Variants in DMC1 observed in about 807,000 individuals in gnomAD.
The protein encoded by DMC1 is DNA meiotic recombinase 1.
DMC1 carries 27 observed loss-of-function variants against 50.1 expected under a neutral mutation model. That is an observed-to-expected ratio of 0.54 (90% confidence interval 0.40 to 0.74). The LOEUF (loss-of-function observed/expected upper bound fraction) is 0.74. DMC1 is among the 30% of genes least tolerant of loss of function. The probability of loss-of-function intolerance (pLI) is 0.00; values close to 1 mark genes in which losing one functional copy is unlikely to be tolerated. For synonymous variants in DMC1, 148 were observed against 136.1 expected (o/e 1.09, Z -0.61); for missense variants, 295 against 420.2 (o/e 0.70, Z 2.60).
At position 38,549,928 on chromosome 22, in the gene DMC1, G is replaced by T; in HGVS notation, c.491C>A (p.Thr164Asn). The T allele has an allele frequency of 6.2e-7, 1 of 1,610,392 alleles. No individual in the cohort carries two copies. The highest frequency in any genetic ancestry group is 8.5e-7 in the Non-Finnish European group (1 of 1,176,950). ...CAACTTTAAATAAAAAGGTTACAAA[G>T]TATTTTCTGTATCAATGAAGATAAT... is the stretch of plus-strand genomic sequence containing the variant. ...GKIIFIDTEN[T>N]FRPDRLRDIA... The change falls in exon 8 of 14, where the codon ACT (threonine) becomes AAT (asparagine). Residue 164 changes from threonine to asparagine, a missense_variant. By Grantham distance (65) the Thr-to-Asn change is moderately conservative. Transcript: ENST00000216024.
In DMC1 at chr22:38,535,102, A is replaced by C. The variant is rs574999357; in HGVS notation, c.836+2490T>G. 3.3e-5 allele frequency among the ~76,000 whole-genome samples: 5 copies of C among 152,032 alleles called. No homozygotes were observed. In the South Asian group the frequency reaches 1.0e-3, roughly 32 times the overall value. On this transcript the variant is annotated intron_variant, in intron 12 of 13. Transcript: ENST00000216024. ...ATCGTGAGGTCAAGAGATAGAAACCATCCTGGCTAACACGGTGAAACCCCG... is the reference window on the plus strand; with the variant it reads ...ATCGTGAGGTCAAGAGATAGAAACCCTCCTGGCTAACACGGTGAAACCCCG...
chr22:38,525,389 C>T (rs1380745427), intron 12 of DMC1, among the ~76,000 whole-genome samples: 6 of 152,128 alleles, frequency 3.9e-5, no homozygotes, highest in African/African-American at 1.4e-4. Context: ...CCATGCCTCC[C>T]ATGCCATTAT....
chr22:38,513,083 CAAA>C, the DMC1 span, among the ~76,000 whole-genome samples: 9 of 114,266 alleles, frequency 7.9e-5, no homozygotes, highest in African/African-American at 2.2e-4. Flanking sequence ...GAGTCTGTCT[CAAA>C]AAAAAAAAAA....
intron 4 of DMC1, among the ~76,000 whole-genome samples, chr22:38,565,051 G>A (rs2090567714): frequency 6.6e-6 from 1 of 152,218 alleles, no homozygotes; most frequent in African/African-American, 2.4e-5. Context: ...CATACCAATA[G>A]AGAAATGGAG....
chr22:38,537,680 T>A, intron 11 of DMC1, 28 bp from the exon 12 acceptor site: 3 of 1,569,026 alleles, frequency 1.9e-6, no homozygotes. Flanking sequence ...ATTTTAAAAC[T>A]ATGAGAAAGG....
the DMC1 span, among the ~76,000 whole-genome samples, chr22:38,512,126 C>T: frequency 6.6e-6 from 1 of 152,204 alleles, no homozygotes; most frequent in South Asian, 2.1e-4. Context: ...AGGCGCATGC[C>T]ACCACACCCG....
At chr22:38,535,328 CA>C (rs1293616985) in intron 12 of DMC1, among the ~76,000 whole-genome samples, 1 of 149,828 alleles carries the variant, frequency 6.7e-6, no homozygotes, top group Admixed American at 6.6e-5. Context: ...GAAAAACAAA[CA>C]AAAAACCGTA....
At chr22:38,553,906 A>C (rs1476029825) in intron 6 of DMC1, among the ~76,000 whole-genome samples, 1 of 149,682 alleles carries the variant, frequency 6.7e-6, no homozygotes, top group Non-Finnish European at 1.5e-5. Flanking sequence ...CAGTGAGCCA[A>C]GATCAGGCCA....
At chr22:38,524,117 A>G (rs2090060495) in intron 12 of DMC1, among the ~76,000 whole-genome samples, 1 of 152,056 alleles carries the variant, frequency 6.6e-6, no homozygotes. Context: ...GCTACTTTAT[A>G]AAGAAAATAA....
At chr22:38,523,559 C>G (rs916883050) in intron 12 of DMC1, among the ~76,000 whole-genome samples, 1 of 152,186 alleles carries the variant, frequency 6.6e-6, no homozygotes, top group Non-Finnish European at 1.5e-5. Context: ...CAATTCCTCT[C>G]TTATTCTCTA....
Position 38,521,533 on chromosome 22 carries a change from G to A in DMC1, c.953+75C>T, listed in dbSNP as rs1012810489. On this transcript the variant is annotated intron_variant, in intron 13 of 13. Transcript: ENST00000216024. ...AGCTCGGGCAACATGGCAAAACCCCGTCTCTACACACACACACACACACAC... is the reference window on the plus strand; with the variant it reads ...AGCTCGGGCAACATGGCAAAACCCCATCTCTACACACACACACACACACAC... 2.4e-4 allele frequency: 219 copies of A among 902,884 alleles called. 1 individual carries two copies. The highest frequency in any genetic ancestry group is 2.1e-3 in the Middle Eastern group (6 of 2,862). The allele number at this position is 902,884 out of a possible 1,614,324, so 55.9% of individuals were successfully genotyped here. A position where few individuals can be genotyped will look rare whatever the true frequency, so the allele number is the denominator to read the frequency against.
chr22:38,541,753 G>A (rs1003415265), intron 8 of DMC1, among the ~76,000 whole-genome samples: 53 of 152,082 alleles, frequency 3.5e-4, no homozygotes, highest in African/African-American at 1.2e-3. Context: ...AGAATAAGCA[G>A]CCTGATCCTC....
intron 8 of DMC1, among the ~76,000 whole-genome samples, chr22:38,543,003 G>A (rs551985426): frequency 6.6e-6 from 1 of 152,242 alleles, no homozygotes; most frequent in East Asian, 1.9e-4. Flanking sequence ...ATATCCATAA[G>A]CAGAAGAATG....
chr22:38,538,102 C>T (rs5995591), intron 11 of DMC1, among the ~76,000 whole-genome samples, 193 bp downstream of exon 11: 13,271 of 151,998 alleles, frequency 0.087, 1,403 homozygotes, highest in African/African-American at 0.25. Context: ...CGAGATCGCA[C>T]CACTGCACTC....
rs1369357076 is a variant in DMC1 at position 38,562,334 on chromosome 22, T to C, written c.279A>G (p.Glu93=). The part of the protein sequence containing the change: ...PGFLTAFEYS[E]KRKMVFHITT... ...TGATATGGAAAACCATTTTCCTCTT[T>C]TCACTATACTCAAATGCAGTCAAGA... Residue 93 remains glutamate, a synonymous_variant, in exon 5 of 14, where the codon GAA becomes GAG. Transcript: ENST00000216024. 1.9e-6 allele frequency: 3 copies of C among 1,612,684 alleles called. No individual in the cohort carries two copies. The highest frequency in any genetic ancestry group is 2.5e-6 in the Non-Finnish European group (3 of 1,179,028).
chr22:38,539,829 A>T (rs2090261029), intron 8 of DMC1, among the ~76,000 whole-genome samples: 1 of 152,218 alleles, frequency 6.6e-6, no homozygotes, highest in African/African-American at 2.4e-5. Flanking sequence ...TTGTTCTCAG[A>T]TCTATAAAAA....
chr22:38,528,812 G>A (rs2090124023), intron 12 of DMC1, among the ~76,000 whole-genome samples: 1 of 151,822 alleles, frequency 6.6e-6, no homozygotes, highest in Admixed American at 6.6e-5. Flanking sequence ...ATAATACATA[G>A]GATAACTATT....
At chr22:38,564,977 A>G (rs1177781498) in intron 4 of DMC1, among the ~76,000 whole-genome samples, 1 of 152,212 alleles carries the variant, frequency 6.6e-6, no homozygotes, top group Non-Finnish European at 1.5e-5. Flanking sequence ...CTGCCTCTGA[A>G]GAAGGAAACC....
At chr22:38,514,214 T>C (rs1160480948), downstream of DMC1, among the ~76,000 whole-genome samples, 1 of 149,882 alleles carries the variant, frequency 6.7e-6, no homozygotes, top group Non-Finnish European at 1.5e-5. Context: ...GGCTGAGACC[T>C]ACTGGCCTGC....
Sources: allele counts gnomAD v4.1 joint callset (sites outside exome capture counted in the v4.1 genomes callset), GRCh38; gene constraint gnomAD v4.1.1; transcripts MANE v1.5; gene names NCBI Gene and HGNC (gene_info 2026-07-23, HGNC 2026-07-21).